Variants in ZSCAN22 observed in about 807,000 individuals in gnomAD.
The protein encoded by ZSCAN22 is zinc finger and SCAN domain-containing protein 22.
ZSCAN22 carries 7 observed loss-of-function variants against 12.4 expected under a neutral mutation model. The ratio of observed to expected loss-of-function variants is 0.57; its 90% CI spans 0.32 to 1.06. The LOEUF is 1.06. ZSCAN22 is among the 50% of genes least tolerant of loss of function. The pLI is 0.04. For missense variants in ZSCAN22, 576 were observed against 631.7 expected, an observed-to-expected ratio of 0.91 and a Z score of 0.94; for synonymous variants, 243 against 255.9, an observed-to-expected ratio of 0.95 and a Z score of 0.48.
rs759291157 is a variant in ZSCAN22 at position 58,334,799 on chromosome 19, C to T, written c.-4C>T. On this transcript the variant is annotated 5_prime_UTR_variant, in exon 2 of 3. Coordinates refer to ENST00000329665, the MANE Select transcript of ZSCAN22 (RefSeq NM_181846.3). ...TCCTGTGTCTCACTGAGCACTGCTG[C>T]CCGATGGCCATCCCCAAGCACTCCC... is the stretch of plus-strand genomic sequence containing the variant. The T allele has an allele frequency of 6.3e-6, 10 of 1,592,658 alleles. No individual in the cohort carries two copies. In the East Asian group the frequency reaches 1.8e-4, roughly 29 times the overall value.
chr19:58,339,421 G>A lies in ZSCAN22; in HGVS notation c.*95G>A. On this transcript the variant is annotated 3_prime_UTR_variant, in exon 3 of 3. Coordinates refer to ENST00000329665, the MANE Select transcript of ZSCAN22 (RefSeq NM_181846.3). This position sits in a 1 kb window ranked among gnomAD's most constrained non-coding sequence, Gnocchi z 5.6. The stretch of plus-strand genomic sequence containing the variant: ...TTCCTGAAGAGCCACAGACAGGGTG[G>A]GTGATTGATGAGTTGTCAAAATGAT... 1 of 1,184,330 alleles carries A rather than the reference G, an allele frequency of 8.4e-7. No individual in the cohort carries two copies. Among genetic ancestry groups the A allele is most frequent in the Non-Finnish European group, 1.2e-6 (1 of 858,680 alleles). 73.4% of individuals were successfully genotyped at this position (1,184,330 alleles called of 1,614,324 possible).
rs1459920088 is a variant in ZSCAN22, at chr19:58,339,263, G to C, written c.1413G>C (p.Lys471Asn). The change falls in exon 3 of 3, where the codon AAG (lysine) becomes AAC (asparagine). Residue 471 changes from lysine to asparagine, a missense_variant. By Grantham distance (94) the Lys-to-Asn change is moderately conservative. Transcript: ENST00000329665. This position sits in a 1 kb window ranked among gnomAD's most constrained non-coding sequence, Gnocchi z 5.6. ...CTTATAAGTGCAGCGACTGTGGGAAGGCCTTCAGTCGTAGCTCAGCCCTGA... is the reference window on the plus strand; with the variant it reads ...CTTATAAGTGCAGCGACTGTGGGAACGCCTTCAGTCGTAGCTCAGCCCTGA... ...EKPYKCSDCGKAFSRSSALMV... is the reference protein window; with the variant it reads ...EKPYKCSDCGNAFSRSSALMV... 1 of 1,614,134 alleles carries C rather than the reference G, an allele frequency of 6.2e-7. No homozygotes were observed.
intron 1 of ZSCAN22, 23 bp downstream of exon 1, chr19:58,327,137 G>GA (rs2051660851): frequency 6.6e-6 from 1 of 152,626 alleles, no homozygotes; most frequent in African/African-American, 2.4e-5. Context: ...GGTGTTCTCC[G>GA]TCCTGATCCA....
rs943939678 is a variant in ZSCAN22, at chr19:58,335,167, T to G, written c.365T>G (p.Val122Gly). The G allele has an allele frequency of 6.2e-7, 1 of 1,611,236 alleles. No individual in the cohort carries two copies. The highest frequency in any genetic ancestry group is 1.1e-5 in the South Asian group (1 of 90,778). ...QSPKSGEEAA[V>G]LVEDLTQVLD... The stretch of plus-strand genomic sequence containing the variant: ...CCCAAGAGCGGAGAGGAAGCCGCTG[T>G]GCTGGTGGAGGATCTGACTCAGGTG... Residue 122 changes from valine (V) to glycine (G), a missense_variant, in exon 2 of 3, where the codon GTG becomes GGG. Physicochemically the swap from Val to Gly is moderately radical, Grantham distance 109 (BLOSUM62 -3). Coordinates refer to ENST00000329665, the MANE Select transcript of ZSCAN22 (RefSeq NM_181846.3). The surrounding 1 kb of genome is among the most constrained non-coding windows in gnomAD (Gnocchi z 4.1).
intron 2 of ZSCAN22, among the ~76,000 whole-genome samples, chr19:58,336,526 G>A (rs1248297123): frequency 6.6e-6 from 1 of 152,124 alleles, no homozygotes; most frequent in African/African-American, 2.4e-5. Context: ...GATAGAGGAA[G>A]GAAGGGGGAG....
rs550709555 is a variant in ZSCAN22, at chr19:58,332,644, C to T, written c.-51-2108C>T. On this transcript the variant is annotated intron_variant, in intron 1 of 2. Transcript: ENST00000329665. ...CATGTTGTAGCATTAATCAGTACTT[C>T]ATTTCTGTTTATGGTGAATAGTGTT... 1.2e-4 allele frequency among the ~76,000 whole-genome samples: 18 copies of T among 152,290 alleles called. No individual in the cohort carries two copies. In the South Asian group the frequency reaches 3.7e-3, roughly 32 times the overall value.
chr19:58,328,634 C>T lies in ZSCAN22; in HGVS notation c.-52+1520C>T, dbSNP rs1032222485. Reference sequence around the variant, plus strand: ...TAAAGCAGCTGTGGATGGGGAACCTCAACCTGATAGGAGTTGAGGTTGGCT... The same window carrying T: ...TAAAGCAGCTGTGGATGGGGAACCTTAACCTGATAGGAGTTGAGGTTGGCT... On this transcript the variant is annotated intron_variant, in intron 1 of 2. Coordinates refer to ENST00000329665, the MANE Select transcript of ZSCAN22 (RefSeq NM_181846.3). Among the ~76,000 whole-genome samples, 9 of 152,310 alleles carry T rather than the reference C, an allele frequency of 5.9e-5. 1 individual carries two copies. The highest frequency in any genetic ancestry group is 3.9e-4 in the Admixed American group (6 of 15,300).
At chr19:58,330,278 A>T (rs1385623871) in intron 1 of ZSCAN22, among the ~76,000 whole-genome samples, 1 of 152,230 alleles carries the variant, frequency 6.6e-6, no homozygotes, top group Non-Finnish European at 1.5e-5. Flanking sequence ...CGACAAAGCA[A>T]GACTCCGTCT....
At chr19:58,327,226 G>C (rs146305831) in intron 1 of ZSCAN22, 112 bp downstream of exon 1, 3 of 152,706 alleles carry the variant, frequency 2.0e-5, no homozygotes, top group Non-Finnish European at 4.4e-5. Flanking sequence ...ACCGCCCAGC[G>C]GGTAGAGAGT....
intron 2 of ZSCAN22, among the ~76,000 whole-genome samples, chr19:58,337,446 C>T (rs112507368): frequency 8.3e-6 from 1 of 119,872 alleles, no homozygotes; most frequent in Non-Finnish European, 1.7e-5. Context: ...CAGGCCTAGA[C>T]GCAAGGTGTC....
Position 58,340,996 on chromosome 19 carries a change from C to T in ZSCAN22, c.*1670C>T, listed in dbSNP as rs542907803. 6.6e-6 allele frequency: 1 copy of T among 152,260 alleles called. No homozygotes were observed. Among genetic ancestry groups the T allele is most frequent in the African/African-American group, 2.4e-5 (1 of 41,548 alleles). 9.4% of individuals were successfully genotyped at this position (152,260 alleles called of 1,614,324 possible). A position where few individuals can be genotyped will look rare whatever the true frequency, so the allele number is the denominator to read the frequency against. ...GAGAGCAGGGGCCATGTCTTACTCT[C>T]AGTATCTACAACACACAAGACTCAG... On this transcript the variant is annotated 3_prime_UTR_variant, in exon 3 of 3. Transcript: ENST00000329665.
intron 2 of ZSCAN22, among the ~76,000 whole-genome samples, chr19:58,336,937 C>T (rs544493772): frequency 4.4e-4 from 67 of 152,324 alleles, no homozygotes; most frequent in African/African-American, 1.6e-3. Flanking sequence ...CTGAGCCCCA[C>T]TGTGGACTTG....
chr19:58,336,199 G>C (rs1233441080), intron 2 of ZSCAN22, among the ~76,000 whole-genome samples: 1 of 152,214 alleles, frequency 6.6e-6, no homozygotes, highest in Non-Finnish European at 1.5e-5. Flanking sequence ...CACCTTAGTG[G>C]TGTTGCGAGA....
intron 1 of ZSCAN22, among the ~76,000 whole-genome samples, chr19:58,331,518 GTTATTATTATTATTA>G (rs74179462): frequency 2.3e-4 from 27 of 119,450 alleles, no homozygotes; most frequent in African/African-American, 5.6e-4. Context: ...TCCAGCTGAC[GTTATTATTATTATTA>G]TTATTATTAT....
Position 58,335,186 on chromosome 19 carries a change from T to C in ZSCAN22, c.384T>C (p.Thr128=), listed in dbSNP as rs1042367816. ...EEAAVLVEDL[T]QVLDKRGWDP... ...CCGCTGTGCTGGTGGAGGATCTGAC[T>C]CAGGTGCTGGACAAGAGAGGTAAAG... The change falls in exon 2 of 3, where the codon ACT becomes ACC. Residue 128 remains threonine (T), a synonymous_variant. Transcript: ENST00000329665. This position sits in a 1 kb window ranked among gnomAD's most constrained non-coding sequence, Gnocchi z 4.1. The C allele has an allele frequency of 1.2e-6, 2 of 1,604,876 alleles. No homozygotes were observed. Among genetic ancestry groups the C allele is most frequent in the Non-Finnish European group, 1.7e-6 (2 of 1,175,032 alleles).
chr19:58,335,081 G>A lies in ZSCAN22; in HGVS notation c.279G>A (p.Val93=). The A allele has an allele frequency of 8.7e-6, 14 of 1,614,150 alleles. No individual in the cohort carries two copies. The highest frequency in any genetic ancestry group is 1.2e-5 in the Non-Finnish European group (14 of 1,180,034). Residue 93 remains valine (V), a synonymous_variant, in exon 2 of 3, where the codon GTG becomes GTA. Coordinates refer to ENST00000329665, the MANE Select transcript of ZSCAN22 (RefSeq NM_181846.3). The surrounding 1 kb of genome is among the most constrained non-coding windows in gnomAD (Gnocchi z 4.1). ...AGGAGCAGATACTGGAGCTGCTGGT[G>A]CTGGAGCAGTTCCTGGGTGCGCTGC... is the stretch of plus-strand genomic sequence containing the variant. ...HSKEQILELL[V]LEQFLGALPP... is the part of the protein sequence containing the mutation.
intron 1 of ZSCAN22, among the ~76,000 whole-genome samples, chr19:58,330,710 G>A (rs2051712869): frequency 6.6e-6 from 1 of 152,252 alleles, no homozygotes; most frequent in South Asian, 2.1e-4. Flanking sequence ...TGGGATAACA[G>A]ATGCCAAAGG....
rs2051780697 is a variant in ZSCAN22 at position 58,335,138 on chromosome 19, G to C, written c.336G>C (p.Gln112His). The C allele has an allele frequency of 6.2e-7, 1 of 1,613,884 alleles. No individual in the cohort carries two copies. The highest frequency in any genetic ancestry group is 8.5e-7 in the Non-Finnish European group (1 of 1,179,894). Residue 112 changes from glutamine to histidine, a missense_variant, in exon 2 of 3, where the codon CAG becomes CAC. Coordinates refer to ENST00000329665, the MANE Select transcript of ZSCAN22 (RefSeq NM_181846.3). The surrounding 1 kb of genome is among the most constrained non-coding windows in gnomAD (Gnocchi z 4.1). ...PPEIQAWVGA[Q>H]SPKSGEEAAV... Reference sequence around the variant, plus strand: ...AGATCCAAGCCTGGGTGGGAGCCCAGAGTCCCAAGAGCGGAGAGGAAGCCG... The same window carrying C: ...AGATCCAAGCCTGGGTGGGAGCCCACAGTCCCAAGAGCGGAGAGGAAGCCG...
rs770669020 is a variant in ZSCAN22, at chr19:58,338,761, C to T, written c.911C>T (p.Ala304Val). Residue 304 changes from alanine (A) to valine (V), a missense_variant, in exon 3 of 3, where the codon GCC becomes GTC. Ala to Val is a moderately conservative substitution (Grantham distance 64). Coordinates refer to ENST00000329665, the MANE Select transcript of ZSCAN22 (RefSeq NM_181846.3). The surrounding 1 kb of genome is among the most constrained non-coding windows in gnomAD (Gnocchi z 5.4). ...TPYACSECGKAFSRSTHLAQH... is the reference protein window; with the variant it reads ...TPYACSECGKVFSRSTHLAQH... ...TATGCCTGCAGCGAGTGTGGGAAAG[C>T]CTTCAGCCGGAGCACTCACCTCGCC... The T allele has an allele frequency of 5.0e-6, 8 of 1,614,212 alleles. No homozygotes were observed. The highest frequency in any genetic ancestry group is 6.8e-6 in the Non-Finnish European group (8 of 1,180,030).
Sources: allele counts gnomAD v4.1 joint callset (sites outside exome capture counted in the v4.1 genomes callset), GRCh38; gene constraint gnomAD v4.1.1; non-coding constraint Gnocchi (gnomAD v3.1); transcripts MANE v1.5; gene names NCBI Gene and HGNC (gene_info 2026-07-23, HGNC 2026-07-21).